Variants in FAM184B observed in about 807,000 individuals in gnomAD.
FAM184B encodes family with sequence similarity 184 member B, also known as protein FAM184B.
In FAM184B, 111 loss-of-function variants were observed where a neutral mutation model predicts 135.9. The observed-to-expected ratio is 0.82, with a 90% confidence interval of 0.70 to 0.96. The LOEUF (loss-of-function observed/expected upper bound fraction) is 0.96, where lower values mean the gene tolerates loss of function less well. FAM184B is among the 40% of genes least tolerant of loss of function. The pLI, the probability that FAM184B is intolerant of heterozygous loss-of-function variation, is 0.00. For missense variants in FAM184B, 1,375 were observed against 1,323.9 expected, an observed-to-expected ratio of 1.04 and a Z score of -0.60; for synonymous variants, 552 against 524.8, an observed-to-expected ratio of 1.05 and a Z score of -0.71.
Position 17,765,893 on chromosome 4 carries a change from G to A in FAM184B, c.141+15266C>T, listed in dbSNP as rs73096909. On this transcript the variant is annotated intron_variant, in intron 1 of 17. Transcript: ENST00000265018. ...TCTCCCTGGTTTCAGAAGTGAAGCTGCAGACCTTCGCGGTGGTGAGTGTTA... is the reference window on the plus strand; with the variant it reads ...TCTCCCTGGTTTCAGAAGTGAAGCTACAGACCTTCGCGGTGGTGAGTGTTA... Among the ~76,000 whole-genome samples the A allele has an allele frequency of 3.3e-3, 495 of 152,262 alleles. 3 individuals carry two copies. Among genetic ancestry groups the A allele is most frequent in the African/African-American group, 0.011 (463 of 41,548 alleles).
chr4:17,644,555 T>C (rs979524122), intron 12 of FAM184B, among the ~76,000 whole-genome samples: 13 of 152,200 alleles, frequency 8.5e-5, no homozygotes, highest in African/African-American at 3.1e-4. Context: ...CTAAAAACTC[T>C]CAATAAATTA....
intron 5 of FAM184B, among the ~76,000 whole-genome samples, chr4:17,699,592 A>C (rs910875305): frequency 2.6e-5 from 4 of 152,168 alleles, no homozygotes; most frequent in Non-Finnish European, 5.9e-5. Flanking sequence ...TCAACCTAGA[A>C]TTCTATATCC....
intron 12 of FAM184B, among the ~76,000 whole-genome samples, chr4:17,645,551 C>T (rs1406140018): frequency 6.6e-6 from 1 of 151,962 alleles, no homozygotes; most frequent in African/African-American, 2.4e-5. Context: ...TGGATCCCTT[C>T]CTTACACCTT....
chr4:17,749,362 G>A (rs561034200), intron 1 of FAM184B, among the ~76,000 whole-genome samples: 2 of 151,790 alleles, frequency 1.3e-5, no homozygotes, highest in Admixed American at 6.6e-5. Flanking sequence ...CAGGAGAATC[G>A]CTTGAGGCCA....
rs78392023 is a variant in FAM184B at position 17,749,290 on chromosome 4, C to T, written c.141+31869G>A. The stretch of plus-strand genomic sequence containing the variant: ...AAAGGAGGCCAGAAAAGATCAGAAA[C>T]GAAAGAACCAGACGGGCACAGTGGC... On this transcript the variant is annotated intron_variant, in intron 1 of 17. Transcript: ENST00000265018. 4.6e-3 allele frequency among the ~76,000 whole-genome samples: 693 copies of T among 151,874 alleles called. 26 individuals are homozygous for T. In the East Asian group the frequency reaches 0.084, roughly 18 times the overall value.
At chr4:17,669,370 T>A (rs1396406493) in intron 7 of FAM184B, among the ~76,000 whole-genome samples, 1 of 152,188 alleles carries the variant, frequency 6.6e-6, no homozygotes, top group African/African-American at 2.4e-5. Flanking sequence ...TGCCATAAAT[T>A]CAGGTTCTGT....
intron 7 of FAM184B, among the ~76,000 whole-genome samples, chr4:17,670,402 C>A (rs1716142633): frequency 6.6e-6 from 1 of 152,096 alleles, no homozygotes; most frequent in African/African-American, 2.4e-5. Context: ...AAACTTAAAG[C>A]AACATGAATA....
intron 1 of FAM184B, among the ~76,000 whole-genome samples, chr4:17,754,368 G>A (rs999711991): frequency 1.2e-4 from 18 of 151,928 alleles, no homozygotes; most frequent in African/African-American, 3.9e-4. Context: ...CCTGACCAAC[G>A]TGGAGAAACC....
At chr4:17,660,552 A>G (rs1352652997) in intron 8 of FAM184B, among the ~76,000 whole-genome samples, 1 of 152,112 alleles carries the variant, frequency 6.6e-6, no homozygotes, top group Non-Finnish European at 1.5e-5. Flanking sequence ...CACACATTTT[A>G]CTGGTGTCCC....
At position 17,739,555 on chromosome 4, in the gene FAM184B, G is replaced by GTTTTTTTTTTGTTT. The variant is rs571213271; in HGVS notation, c.142-29912_142-29911insAAACAAAAAAAAAA. Among the ~76,000 whole-genome samples the GTTTTTTTTTTGTTT allele has an allele frequency of 9.6e-5, 6 of 62,510 alleles. 1 individual carries two copies. Among genetic ancestry groups the GTTTTTTTTTTGTTT allele is most frequent in the African/African-American group, 2.5e-4 (4 of 16,254 alleles). 41.0% of individuals were successfully genotyped at this position (62,510 alleles called of 152,430 possible). ...CCCTACACCATATGTCATACCAACTGTTTTTTTTTTTTTTTTGAGATGGGG... is the reference window on the plus strand; with the variant it reads ...CCCTACACCATATGTCATACCAACTGTTTTTTTTTTGTTTTTTTTTTTTTTTTTTTGAGATGGGG... On this transcript the variant is annotated intron_variant, in intron 1 of 17. Coordinates refer to ENST00000265018, the MANE Select transcript of FAM184B (RefSeq NM_015688.2).
intron 1 of FAM184B, among the ~76,000 whole-genome samples, chr4:17,729,866 C>T (rs1305071293): frequency 6.6e-6 from 1 of 152,220 alleles, no homozygotes; most frequent in Non-Finnish European, 1.5e-5. Flanking sequence ...GCCTCTCCTC[C>T]TCCAAAGGAA....
chr4:17,737,256 T>C (rs1254076727), intron 1 of FAM184B, among the ~76,000 whole-genome samples: 1 of 152,206 alleles, frequency 6.6e-6, no homozygotes, highest in Non-Finnish European at 1.5e-5. Flanking sequence ...AGCTGTGTTA[T>C]GTACAAACAA....
chr4:17,768,221 T>C (rs1718740734), intron 1 of FAM184B, among the ~76,000 whole-genome samples: 1 of 152,260 alleles, frequency 6.6e-6, no homozygotes, highest in South Asian at 2.1e-4. Context: ...GACTTGGAAC[T>C]CATATAAAAA....
intron 1 of FAM184B, among the ~76,000 whole-genome samples, chr4:17,729,735 A>G (rs1262109649): frequency 6.6e-6 from 1 of 152,252 alleles, no homozygotes; most frequent in Non-Finnish European, 1.5e-5. Context: ...TAACAAACAG[A>G]AAGGACATCC....
chr4:17,641,626 A>AGT (rs2108930375), intron 13 of FAM184B, among the ~76,000 whole-genome samples: 1 of 122,932 alleles, frequency 8.1e-6, no homozygotes, highest in South Asian at 2.9e-4. Flanking sequence ...TTACAGGCAC[A>AGT]CACCACCACG....
At chr4:17,780,055 G>A (rs1174988358) in intron 1 of FAM184B, among the ~76,000 whole-genome samples, 1 of 152,186 alleles carries the variant, frequency 6.6e-6, no homozygotes, top group Non-Finnish European at 1.5e-5. Flanking sequence ...CCTGTTTGGA[G>A]ACAGGCTCAC....
At chr4:17,651,812 G>A (rs1284256149) in intron 11 of FAM184B, among the ~76,000 whole-genome samples, 1 of 152,152 alleles carries the variant, frequency 6.6e-6, no homozygotes, top group East Asian at 1.9e-4. Flanking sequence ...CAGGCAGTTT[G>A]GCTCTAGAGA....
At chr4:17,672,320 G>A (rs1255426764) in intron 7 of FAM184B, among the ~76,000 whole-genome samples, 13 of 152,094 alleles carry the variant, frequency 8.5e-5, no homozygotes, top group Admixed American at 8.5e-4. Flanking sequence ...ATAAAAGAAA[G>A]TTTGACTTCC....
intron 1 of FAM184B, among the ~76,000 whole-genome samples, chr4:17,740,910 T>C (rs528850037): frequency 2.0e-5 from 3 of 152,150 alleles, no homozygotes; most frequent in Non-Finnish European, 2.9e-5. Flanking sequence ...TCCTGGACTG[T>C]TGTAGCCAAG....
Sources: gnomAD v4.1 joint callset for allele counts (sites outside exome capture counted in the v4.1 genomes callset) on GRCh38, gnomAD v4.1.1 for gene constraint, MANE v1.5 for transcripts, NCBI Gene and HGNC (gene_info 2026-07-23, HGNC 2026-07-21) for gene names.